Variants in SYNPR observed in about 807,000 individuals in gnomAD.
SYNPR encodes synaptoporin.
SYNPR carries 23 observed loss-of-function variants against 32.9 expected under a neutral mutation model. The observed-to-expected ratio is 0.70, with a 90% CI of 0.50 to 0.99. The LOEUF (loss-of-function observed/expected upper bound fraction) is 0.99, where lower values mean the gene tolerates loss of function less well. SYNPR is among the 50% of genes least tolerant of loss of function. SYNPR has a pLI of 0.00. For synonymous variants in SYNPR, 146 were observed against 135.9 expected (o/e 1.07, Z -0.52); for missense variants, 318 against 349.3 (o/e 0.91, Z 0.71).
intron 2 of SYNPR, among the ~76,000 whole-genome samples, chr3:63,328,015 C>G (rs1341226943): frequency 6.6e-6 from 1 of 152,078 alleles, no homozygotes; most frequent in Non-Finnish European, 1.5e-5. Flanking sequence ...ATTAATTGGG[C>G]ATAAATTGCA....
intron 3 of SYNPR, among the ~76,000 whole-genome samples, chr3:63,552,525 C>G (rs898555543): frequency 1.3e-5 from 2 of 152,028 alleles, no homozygotes; most frequent in Non-Finnish European, 2.9e-5. Context: ...TATATACAAG[C>G]AAAAACAAAT....
the SYNPR span, among the ~76,000 whole-genome samples, chr3:63,223,094 GA>G: frequency 2.0e-5 from 3 of 152,104 alleles, no homozygotes; most frequent in African/African-American, 7.2e-5. Flanking sequence ...GAGGAAGAGA[GA>G]GTCAAGAATT....
At chr3:63,467,776 A>G (rs1198969674) in intron 2 of SYNPR, among the ~76,000 whole-genome samples, 1 of 152,192 alleles carries the variant, frequency 6.6e-6, no homozygotes, top group East Asian at 1.9e-4. Flanking sequence ...TTAACTGTCT[A>G]TTTTAGTTTC....
intron 3 of SYNPR, among the ~76,000 whole-genome samples, chr3:63,521,824 G>A (rs759931539): frequency 2.5e-4 from 38 of 152,156 alleles, no homozygotes; most frequent in Non-Finnish European, 5.1e-4. Context: ...CAAATGTGTG[G>A]GCAGGGTGCA....
chr3:63,473,458 C>A (rs891547861), intron 2 of SYNPR, among the ~76,000 whole-genome samples: 10 of 152,142 alleles, frequency 6.6e-5, no homozygotes, highest in Admixed American at 5.9e-4. Context: ...CAACTTCATG[C>A]CAAGCACTGT....
In SYNPR at chr3:63,609,298, A is replaced by C; in HGVS notation, c.582A>C (p.Ser194=). 1 of 1,585,316 alleles carries C rather than the reference A, an allele frequency of 6.3e-7. No homozygotes were observed. Among genetic ancestry groups the C allele is most frequent in the Non-Finnish European group, 8.6e-7 (1 of 1,164,800 alleles). Residue 194 remains serine (S), a synonymous_variant, in exon 5 of 6, where the codon TCA becomes TCC. Transcript: ENST00000478300. ...KCMAIHSPVM[S]SLNTSVVFGF... ...TGGCTATCCACAGCCCTGTTATGTC[A>C]AGCTTAAACACTTCTGTGGTAAGTA...
intron 1 of SYNPR, among the ~76,000 whole-genome samples, chr3:63,228,743 G>A (rs964400359): frequency 2.0e-5 from 3 of 151,780 alleles, no homozygotes; most frequent in African/African-American, 4.8e-5. Context: ...CTCATTTACG[G>A]GTGTTTTACT....
chr3:63,420,763 C>T (rs1276238094), intron 2 of SYNPR, among the ~76,000 whole-genome samples: 2 of 151,998 alleles, frequency 1.3e-5, no homozygotes. Context: ...GGAAAAGATA[C>T]TTTCAACATT....
chr3:63,300,857 A>G (rs1301148767), intron 2 of SYNPR, among the ~76,000 whole-genome samples: 1 of 152,036 alleles, frequency 6.6e-6, no homozygotes, highest in Non-Finnish European at 1.5e-5. Flanking sequence ...CACTCCCCCA[A>G]TAAATTAAGA....
chr3:63,547,447 T>G lies in SYNPR; in HGVS notation c.210-9096T>G, dbSNP rs527285055. ...CCTGAGACTCTGGGAAGGCAGACTC[T>G]CTCCCCACATTTTGAGGACAGCGTA... On this transcript the variant is annotated intron_variant, in intron 3 of 5. Transcript: ENST00000478300. Among the ~76,000 whole-genome samples the G allele has an allele frequency of 1.1e-4, 17 of 152,232 alleles. No homozygotes were observed. In the East Asian group the frequency reaches 3.3e-3, roughly 30 times the overall value.
intron 4 of SYNPR, among the ~76,000 whole-genome samples, chr3:63,567,326 G>A (rs976176353): frequency 6.6e-5 from 10 of 152,156 alleles, no homozygotes; most frequent in African/African-American, 2.4e-4. Context: ...GTGGAAGGGT[G>A]TAAAGAACAC....
intron 2 of SYNPR, among the ~76,000 whole-genome samples, chr3:63,455,760 T>G (rs1419698674): frequency 6.7e-6 from 1 of 149,526 alleles, no homozygotes; most frequent in Admixed American, 6.6e-5. Flanking sequence ...GTTTGGGGTG[T>G]GTGTGTGTGT....
intron 4 of SYNPR, among the ~76,000 whole-genome samples, chr3:63,601,345 T>C (rs1700039154): frequency 1.3e-5 from 2 of 152,252 alleles, no homozygotes; most frequent in Non-Finnish European, 2.9e-5. Flanking sequence ...AAATTCTCAA[T>C]TCTTTTTTTA....
At chr3:63,336,053 T>A (rs939926081) in intron 2 of SYNPR, among the ~76,000 whole-genome samples, 1 of 152,118 alleles carries the variant, frequency 6.6e-6, no homozygotes, top group East Asian at 1.9e-4. Flanking sequence ...TCCTTTTTTA[T>A]GTCTCATTTA....
chr3:63,468,581 G>A (rs558731629), intron 2 of SYNPR, among the ~76,000 whole-genome samples: 7 of 151,974 alleles, frequency 4.6e-5, no homozygotes, highest in Admixed American at 1.3e-4. Context: ...CGAGGCAGGC[G>A]TTTGAGATCA....
At chr3:63,517,531 A>T (rs1392940936) in intron 3 of SYNPR, among the ~76,000 whole-genome samples, 1 of 152,172 alleles carries the variant, frequency 6.6e-6, no homozygotes, top group African/African-American at 2.4e-5. Context: ...GCCATGCAGA[A>T]TCCAGAATTA....
intron 2 of SYNPR, among the ~76,000 whole-genome samples, chr3:63,461,384 G>A (rs559525183): frequency 9.2e-5 from 14 of 152,230 alleles, no homozygotes; most frequent in Middle Eastern, 3.4e-3. Flanking sequence ...TCCAGGAAAC[G>A]TAAACACATA....
chr3:63,446,651 A>G (rs960032492), intron 2 of SYNPR, among the ~76,000 whole-genome samples: 46 of 152,202 alleles, frequency 3.0e-4, no homozygotes, highest in African/African-American at 1.0e-3. Context: ...ATTATGAGAA[A>G]GGATTATGAG....
At chr3:63,500,425 T>C (rs1282825867) in intron 3 of SYNPR, among the ~76,000 whole-genome samples, 1 of 152,128 alleles carries the variant, frequency 6.6e-6, no homozygotes, top group Non-Finnish European at 1.5e-5. Flanking sequence ...GGTGAGTCAG[T>C]CTGTTTTTAT....
Sources: gnomAD v4.1 joint callset for allele counts (sites outside exome capture counted in the v4.1 genomes callset) on GRCh38, gnomAD v4.1.1 for gene constraint, MANE v1.5 for transcripts, NCBI Gene and HGNC (gene_info 2026-07-23, HGNC 2026-07-21) for gene names.